Variants in NAALAD2 observed in about 807,000 individuals in gnomAD.
NAALAD2 encodes N-acetylated alpha-linked acidic dipeptidase 2.
Under a neutral mutation model 95.6 loss-of-function variants are expected in NAALAD2, and 89 were observed. The ratio of observed to expected loss-of-function variants is 0.93; its 90% CI spans 0.78 to 1.11. NAALAD2 has a LOEUF of 1.11. NAALAD2 is among the 50% of genes least tolerant of loss of function. NAALAD2 has a pLI of 0.00. For missense variants in NAALAD2, 894 were observed against 872.4 expected (o/e 1.02, Z -0.31); for synonymous variants, 264 against 294.4 (o/e 0.90, Z 1.06).
chr11:90,163,837 A>G, intron 11 of NAALAD2: 1 of 462,718 alleles, frequency 2.2e-6, no homozygotes, highest in Non-Finnish European at 3.8e-6. Flanking sequence ...CTCTTGTCAA[A>G]ATATTTTCGT....
chr11:90,158,017 C>A, intron 6 of NAALAD2, 128 bp from the exon 7 acceptor site: 1 of 710,642 alleles, frequency 1.4e-6, no homozygotes, highest in Non-Finnish European at 2.4e-6. Flanking sequence ...CCACGCCTGG[C>A]CAGGAACTTT....
intron 11 of NAALAD2, chr11:90,164,452 T>C (rs1952380994): frequency 6.6e-6 from 1 of 152,218 alleles, no homozygotes; most frequent in African/African-American, 2.4e-5. Flanking sequence ...GTTCAACTAC[T>C]CTGTACAAGC....
At chr11:90,168,263 G>A (rs972022266) in intron 11 of NAALAD2, among the ~76,000 whole-genome samples, 1 of 152,158 alleles carries the variant, frequency 6.6e-6, no homozygotes, top group Non-Finnish European at 1.5e-5. Flanking sequence ...ACATCAGTAG[G>A]AATAAACTCC....
In NAALAD2 at chr11:90,151,504, G is replaced by A. The variant is rs1590972041; in HGVS notation, c.610-794G>A. Among the ~76,000 whole-genome samples the A allele has an allele frequency of 1.3e-5, 2 of 152,126 alleles. 1 individual carries two copies. The highest frequency in any genetic ancestry group is 1.3e-4 in the Admixed American group (2 of 15,268). ...TATATGCTCCAGAAATTTGTGTGAA[G>A]ATTATTGTAGTATAGATTCATAGAA... is the stretch of plus-strand genomic sequence containing the variant. On this transcript the variant is annotated intron_variant, in intron 5 of 18. Coordinates refer to ENST00000534061, the MANE Select transcript of NAALAD2 (RefSeq NM_005467.4).
intron 11 of NAALAD2, among the ~76,000 whole-genome samples, chr11:90,168,517 TAAAA>T (rs143111192): frequency 0.014 from 2,191 of 152,142 alleles, 40 homozygotes; most frequent in African/African-American, 0.05. Context: ...TAAAATAAAA[TAAAA>T]TAATAAAATA....
At chr11:90,187,865 T>TTA (rs888959055) in intron 18 of NAALAD2, among the ~76,000 whole-genome samples, 20 of 152,008 alleles carry the variant, frequency 1.3e-4, no homozygotes, top group East Asian at 3.9e-4. Flanking sequence ...TGTATAGCCA[T>TTA]TATATATATA....
chr11:90,189,195 A>AT (rs1174828401), intron 18 of NAALAD2, among the ~76,000 whole-genome samples: 1 of 152,148 alleles, frequency 6.6e-6, no homozygotes, highest in African/African-American at 2.4e-5. Context: ...TAGAAGCTAG[A>AT]AAAGCAAGGA....
In NAALAD2 at chr11:90,149,111, A is replaced by G. The variant is rs1489926429; in HGVS notation, c.483+4A>G. ...CTCAGCCCAAGGCATGCCAGAGGTA[A>G]AATAAAATACTTTTGTAATCCAAGT... On this transcript the variant is annotated splice_donor_region_variant and intron_variant, in intron 4 of 18. Transcript: ENST00000534061. The G allele has an allele frequency of 6.4e-7, 1 of 1,551,834 alleles. No individual in the cohort carries two copies. The highest frequency in any genetic ancestry group is 1.4e-5 in the African/African-American group (1 of 72,958).
rs560242433 is a variant in NAALAD2, at chr11:90,182,921, T to C, written c.1946T>C (p.Ile649Thr). Reference protein sequence around the residue: ...RLIQVDLNNPIAVRMMNDQLM... With the variant: ...RLIQVDLNNPTAVRMMNDQLM... Reference sequence around the variant, plus strand: ...TGTATATGTTCTTCTCGAAGTCCCATTGCAGTGAGAATGATGAATGACCAA... The same window carrying C: ...TGTATATGTTCTTCTCGAAGTCCCACTGCAGTGAGAATGATGAATGACCAA... The change falls in exon 18 of 19, where the codon ATT becomes ACT. Residue 649 changes from isoleucine to threonine, a missense_variant. Ile to Thr is a moderately conservative substitution (Grantham distance 89). Transcript: ENST00000534061. 3 of 1,607,952 alleles carry C rather than the reference T, an allele frequency of 1.9e-6. No homozygotes were observed. The highest frequency in any genetic ancestry group is 1.1e-5 in the South Asian group (1 of 90,740).
chr11:90,162,682 A>T (rs7928349), intron 8 of NAALAD2: 4,000 of 208,758 alleles, frequency 0.019, 153 homozygotes, highest in African/African-American at 0.084. Context: ...TGAGAAAATA[A>T]TATAAAATAG....
intron 11 of NAALAD2, 104 bp from the exon 12 acceptor site, chr11:90,168,823 GAA>G (rs1337975138): frequency 2.3e-6 from 2 of 873,984 alleles, no homozygotes; most frequent in Non-Finnish European, 3.7e-6. Flanking sequence ...ATTTAATTGT[GAA>G]AGATACTTGT....
At chr11:90,173,022 TATAGTC>T (rs1952685168) in intron 13 of NAALAD2, among the ~76,000 whole-genome samples, 1 of 152,132 alleles carries the variant, frequency 6.6e-6, no homozygotes, top group Admixed American at 6.5e-5. Context: ...GAAAACAAAA[TATAGTC>T]AATATGTGTA....
At chr11:90,159,779 C>T (rs1371806140) in intron 8 of NAALAD2, among the ~76,000 whole-genome samples, 4 of 151,714 alleles carry the variant, frequency 2.6e-5, no homozygotes, top group South Asian at 2.1e-4. Context: ...GGAGAAACCC[C>T]GTTTCTACTA....
chr11:90,164,988 A>T (rs920137229), intron 11 of NAALAD2, among the ~76,000 whole-genome samples: 1 of 152,126 alleles, frequency 6.6e-6, no homozygotes, highest in Non-Finnish European at 1.5e-5. Context: ...CCACCCTTTG[A>T]AAGTCCCCAG....
intron 18 of NAALAD2, among the ~76,000 whole-genome samples, chr11:90,184,980 C>T (rs998109537): frequency 2.0e-5 from 3 of 152,020 alleles, no homozygotes; most frequent in African/African-American, 7.2e-5. Flanking sequence ...GTGCTGTAAG[C>T]AATCTAGAGC....
rs915139665 is a variant in NAALAD2 at position 90,135,669 on chromosome 11, C to T, written c.193C>T (p.Arg65Cys). 20 of 1,606,528 alleles carry T rather than the reference C, an allele frequency of 1.2e-5. No individual in the cohort carries two copies. The highest frequency in any genetic ancestry group is 1.7e-5 in the Non-Finnish European group (20 of 1,174,824). The stretch of plus-strand genomic sequence containing the variant: ...AGCTGAAAACATCAAATCATTTCTT[C>T]GGTAAGTTTATTTTACGTATTTGAT... Reference protein sequence around the residue: ...MKAENIKSFLRSFTKLPHLAG... With the variant: ...MKAENIKSFLCSFTKLPHLAG... The change falls in exon 2 of 19, where the codon CGT (arginine) becomes TGT (cysteine). Residue 65 changes from arginine to cysteine, a missense_variant and splice_region_variant. Coordinates refer to ENST00000534061, the MANE Select transcript of NAALAD2 (RefSeq NM_005467.4).
At chr11:90,191,493 A>C in intron 18 of NAALAD2, 65 bp from the exon 19 acceptor site, 2 of 1,250,400 alleles carry the variant, frequency 1.6e-6, no homozygotes, top group South Asian at 2.0e-5. Flanking sequence ...ATGTGGTCTA[A>C]ACAAAAAGCA....
rs375515826 is a variant in NAALAD2 at position 90,192,116 on chromosome 11, G to C, written c.*369G>C. 6.5e-6 allele frequency: 1 copy of C among 153,754 alleles called. No homozygotes were observed. Among genetic ancestry groups the C allele is most frequent in the Non-Finnish European group, 1.4e-5 (1 of 69,204 alleles). The allele number at this position is 153,754 out of a possible 1,614,324, so 9.5% of individuals were successfully genotyped here. A position where few individuals can be genotyped will look rare whatever the true frequency, so the allele number is the denominator to read the frequency against. ...AGTTAAACATACACTTTTACTTTAG[G>C]ACTCCAGAATTCCACTTCTAGTTAT... On this transcript the variant is annotated 3_prime_UTR_variant, in exon 19 of 19. Coordinates refer to ENST00000534061, the MANE Select transcript of NAALAD2 (RefSeq NM_005467.4).
chr11:90,181,269 T>C (rs78964317), intron 16 of NAALAD2, among the ~76,000 whole-genome samples: 3 of 152,068 alleles, frequency 2.0e-5, no homozygotes, highest in African/African-American at 7.2e-5. Context: ...TACAGAATCA[T>C]ATCCTATGCA....
Sources: gnomAD v4.1 joint callset for allele counts (sites outside exome capture counted in the v4.1 genomes callset) on GRCh38, gnomAD v4.1.1 for gene constraint, MANE v1.5 for transcripts, NCBI Gene and HGNC (gene_info 2026-07-23, HGNC 2026-07-21) for gene names.